The following ZNHIT6 variants were observed in gnomAD, a reference collection of about 807,000 sequenced individuals.
ZNHIT6 encodes the protein box C/D snoRNA protein 1.
ZNHIT6 carries 45 observed loss-of-function variants against 57.2 expected under a neutral mutation model. The ratio of observed to expected loss-of-function variants is 0.79; its 90% CI spans 0.62 to 1.01. The LOEUF (loss-of-function observed/expected upper bound fraction) is 1.01. ZNHIT6 is among the 50% of genes least tolerant of loss of function. ZNHIT6 has a pLI of 0.00. For synonymous variants in ZNHIT6, 188 were observed against 190.0 expected (o/e 0.99, Z 0.09); for missense variants, 528 against 567.3 (o/e 0.93, Z 0.70).
At position 85,708,054 on chromosome 1, in the gene ZNHIT6, T is replaced by C; in HGVS notation, c.231A>G (p.Val77=). The C allele has an allele frequency of 6.2e-7, 1 of 1,614,158 alleles. No homozygotes were observed. The highest frequency in any genetic ancestry group is 8.5e-7 in the Non-Finnish European group (1 of 1,180,032). ...GCCAGTCTATAATTTCCTGCTTCAC[T>C]ACCGTTAGGTCCATCGGTATTTCCT... ...RPEEIPMDLT[V]VKQEIIDWPG... is the part of the protein sequence containing the mutation. Residue 77 remains valine, a synonymous_variant, in exon 1 of 10, where the codon GTA becomes GTG. Coordinates refer to ENST00000370574, the MANE Select transcript of ZNHIT6 (RefSeq NM_017953.4).
rs368291247 is a variant in ZNHIT6, at chr1:85,706,129, C to T, written c.864G>A (p.Ala288=). 7.1e-5 allele frequency: 115 copies of T among 1,613,760 alleles called. No homozygotes were observed. The highest frequency in any genetic ancestry group is 5.5e-4 in the Admixed American group (33 of 59,986). ...AAAAAGCATCTCTAGAAATATGGTC[C>T]GCTGTTCTTGCCACATCTTCCAAAA... ...YRFLEDVART[A]DHISRDAFLK... is the part of the protein sequence containing the mutation. Residue 288 remains alanine, a synonymous_variant, in exon 4 of 10, where the codon GCG becomes GCA. Coordinates refer to ENST00000370574, the MANE Select transcript of ZNHIT6 (RefSeq NM_017953.4).
rs1379855014 is a variant in ZNHIT6, at chr1:85,653,673, G to A, written c.*385C>T. 4 of 157,512 alleles carry A rather than the reference G, an allele frequency of 2.5e-5. No individual in the cohort carries two copies. Among genetic ancestry groups the A allele is most frequent in the African/African-American group, 7.2e-5 (3 of 41,580 alleles). 9.8% of individuals were successfully genotyped at this position (157,512 alleles called of 1,614,324 possible). A position where few individuals can be genotyped will look rare whatever the true frequency, so the allele number is the denominator to read the frequency against. ...AGCCTGTTGGGAGGCTGCAGTGAGA[G>A]GACCATTCGAGCCCAGGAATTTGAG... On this transcript the variant is annotated 3_prime_UTR_variant, in exon 10 of 10. Transcript: ENST00000370574.
rs559873231 is a variant in ZNHIT6, at chr1:85,654,015, C to A, written c.*43G>T. 6.3e-7 allele frequency: 1 copy of A among 1,578,470 alleles called. No individual in the cohort carries two copies. Among genetic ancestry groups the A allele is most frequent in the South Asian group, 1.1e-5 (1 of 88,988 alleles). Reference sequence around the variant, plus strand: ...CAGCCCATCAATGCAGAGTCTGCTGCAGTTGTCTGGAAGTTTTCACTTTCT... The same window carrying A: ...CAGCCCATCAATGCAGAGTCTGCTGAAGTTGTCTGGAAGTTTTCACTTTCT... On this transcript the variant is annotated 3_prime_UTR_variant, in exon 10 of 10. Transcript: ENST00000370574.
chr1:85,651,076 A>G lies in ZNHIT6; in HGVS notation c.*2982T>C, dbSNP rs1198478477. On this transcript the variant is annotated 3_prime_UTR_variant, in exon 10 of 10. Coordinates refer to ENST00000370574, the MANE Select transcript of ZNHIT6 (RefSeq NM_017953.4). ...TAAGGTACAACACAAAGTATATGTC[A>G]ACATAATTAAACAAAAATGTATAAA... 2 of 152,234 alleles carry G rather than the reference A, an allele frequency of 1.3e-5. No homozygotes were observed. The highest frequency in any genetic ancestry group is 4.8e-5 in the African/African-American group (2 of 41,456). The allele number at this position is 152,234 out of a possible 1,614,324, so 9.4% of individuals were successfully genotyped here.
chr1:85,664,711 A>G (rs1441489066), intron 8 of ZNHIT6, among the ~76,000 whole-genome samples: 4 of 152,098 alleles, frequency 2.6e-5, no homozygotes, highest in African/African-American at 9.7e-5. Flanking sequence ...TCTGTACAAC[A>G]AACCCTTGTG....
intron 5 of ZNHIT6, among the ~76,000 whole-genome samples, chr1:85,695,327 G>A (rs1462580759): frequency 2.0e-5 from 3 of 152,058 alleles, no homozygotes; most frequent in Non-Finnish European, 4.4e-5. Context: ...ATATTTTTAT[G>A]AGACTGTCAC....
chr1:85,690,612 G>T (rs1662188853), intron 5 of ZNHIT6, among the ~76,000 whole-genome samples: 1 of 152,124 alleles, frequency 6.6e-6, no homozygotes. Flanking sequence ...TTAAGAGTTT[G>T]CAGTCTTGTC....
At chr1:85,675,651 G>T (rs1661678706) in intron 8 of ZNHIT6, among the ~76,000 whole-genome samples, 1 of 152,132 alleles carries the variant, frequency 6.6e-6, no homozygotes, top group African/African-American at 2.4e-5. Context: ...TTTATGGCAG[G>T]CATTTACTTC....
chr1:85,707,983 A>T lies in ZNHIT6; in HGVS notation c.302T>A (p.Val101Glu). The T allele has an allele frequency of 1.2e-6, 2 of 1,612,750 alleles. No homozygotes were observed. The highest frequency in any genetic ancestry group is 2.7e-5 in the African/African-American group (2 of 74,492). ...RLAGQWVEQE[V>E]EDRPEVKDEN... ...ATCCTTCACCTCAGGCCTATCCTCC[A>T]CCTCCTGTTCTACCCACTGGCCAGC... Residue 101 changes from valine (V) to glutamate (E), a missense_variant, in exon 1 of 10, where the codon GTG becomes GAG. Val to Glu is a moderately radical substitution (Grantham distance 121, BLOSUM62 -2). Coordinates refer to ENST00000370574, the MANE Select transcript of ZNHIT6 (RefSeq NM_017953.4).
In ZNHIT6 at chr1:85,708,163, T is replaced by A; in HGVS notation, c.122A>T (p.Glu41Val). 1 of 1,614,144 alleles carries A rather than the reference T, an allele frequency of 6.2e-7. No individual in the cohort carries two copies. The highest frequency in any genetic ancestry group is 8.5e-7 in the Non-Finnish European group (1 of 1,180,028). The change falls in exon 1 of 10, where the codon GAG (glutamate) becomes GTG (valine). Residue 41 changes from glutamate (E) to valine (V), a missense_variant. Coordinates refer to ENST00000370574, the MANE Select transcript of ZNHIT6 (RefSeq NM_017953.4). ...TGTCCCCTCCTCTCCGCCGCCGAAC[T>A]CCTCCGCCCCTGCTAAGTCCCTTAC... Reference protein sequence around the residue: ...EGVRDLAGAEEFGGGEEGTGL... With the variant: ...EGVRDLAGAEVFGGGEEGTGL...
At chr1:85,694,867 T>C (rs1662321756) in intron 5 of ZNHIT6, among the ~76,000 whole-genome samples, 1 of 152,174 alleles carries the variant, frequency 6.6e-6, no homozygotes, top group African/African-American at 2.4e-5. Flanking sequence ...TGGTAGGTAT[T>C]CCCATAGGGG....
At chr1:85,686,689 A>G (rs955998633) in intron 5 of ZNHIT6, among the ~76,000 whole-genome samples, 3 of 152,194 alleles carry the variant, frequency 2.0e-5, no homozygotes, top group African/African-American at 4.8e-5. Context: ...CAGCAAGTCA[A>G]TCACCAATGT....
At chr1:85,683,699 TA>T (rs1014653107) in intron 5 of ZNHIT6, among the ~76,000 whole-genome samples, 13 of 152,182 alleles carry the variant, frequency 8.5e-5, no homozygotes, top group African/African-American at 3.1e-4. Context: ...ATGTCCCACT[TA>T]AAAAAATATA....
rs371192859 is a variant in ZNHIT6 at position 85,687,281 on chromosome 1, C to CAAAAAAAAAAAAAAAAAAAAAAAAAA, written c.1020-6378_1020-6377insTTTTTTTTTTTTTTTTTTTTTTTTTT. Among the ~76,000 whole-genome samples the CAAAAAAAAAAAAAAAAAAAAAAAAAA allele has an allele frequency of 1.8e-4, 6 of 33,602 alleles. 2 individuals are homozygous for CAAAAAAAAAAAAAAAAAAAAAAAAAA. The highest frequency in any genetic ancestry group is 1.7e-4 in the Non-Finnish European group (3 of 17,658). The allele number at this position is 33,602 out of a possible 152,430, so 22.0% of individuals were successfully genotyped here. A position where few individuals can be genotyped will look rare whatever the true frequency, so the allele number is the denominator to read the frequency against. On this transcript the variant is annotated intron_variant, in intron 5 of 9. Coordinates refer to ENST00000370574, the MANE Select transcript of ZNHIT6 (RefSeq NM_017953.4). Reference sequence around the variant, plus strand: ...GGTGACAAGAGTGAGAAGACTATCTCAAAAAACAAAAAAAAAACAAAAAAA... The same window carrying CAAAAAAAAAAAAAAAAAAAAAAAAAA: ...GGTGACAAGAGTGAGAAGACTATCTCAAAAAAAAAAAAAAAAAAAAAAAAAAAAAAAACAAAAAAAAAACAAAAAAA...
chr1:85,680,452 C>A (rs1346767494), intron 6 of ZNHIT6, among the ~76,000 whole-genome samples: 1 of 152,156 alleles, frequency 6.6e-6, no homozygotes. Flanking sequence ...TAATTCTCCT[C>A]GGATCCCTCT....
intron 8 of ZNHIT6, among the ~76,000 whole-genome samples, chr1:85,666,158 A>G (rs1255468386): frequency 6.6e-6 from 1 of 152,224 alleles, no homozygotes; most frequent in East Asian, 1.9e-4. Context: ...CAGACTTTCC[A>G]GGAAGAAAGT....
intron 5 of ZNHIT6, among the ~76,000 whole-genome samples, chr1:85,697,872 C>T (rs1291525048): frequency 6.6e-6 from 1 of 152,144 alleles, no homozygotes; most frequent in Admixed American, 6.5e-5. Context: ...GGAGAATTTA[C>T]ATTTTCTTCA....
rs1368878284 is a variant in ZNHIT6 at position 85,652,394 on chromosome 1, G to A, written c.*1664C>T. The stretch of plus-strand genomic sequence containing the variant: ...TCTTATTTGTCTCTCCAATAATACT[G>A]TGAACAACGTAATTCTACACAAATT... On this transcript the variant is annotated 3_prime_UTR_variant, in exon 10 of 10. Transcript: ENST00000370574. The A allele has an allele frequency of 2.0e-5, 3 of 152,066 alleles. No homozygotes were observed. In the East Asian group the frequency reaches 5.8e-4, roughly 29 times the overall value. 9.4% of individuals were successfully genotyped at this position (152,066 alleles called of 1,614,324 possible). A position where few individuals can be genotyped will look rare whatever the true frequency, so the allele number is the denominator to read the frequency against.
chr1:85,682,694 C>G lies in ZNHIT6; in HGVS notation c.1020-1790G>C, dbSNP rs1280898272. 3.3e-5 allele frequency among the ~76,000 whole-genome samples: 5 copies of G among 152,128 alleles called. No individual in the cohort carries two copies. The East Asian group carries it at 7.7e-4, about 23-fold the overall frequency. On this transcript the variant is annotated intron_variant, in intron 5 of 9. Coordinates refer to ENST00000370574, the MANE Select transcript of ZNHIT6 (RefSeq NM_017953.4). ...CACATGAACAAATCTGAAAAGTACA[C>G]TAACTTTTAAAATGTGATCTTCCAA...
Sources: gnomAD v4.1 joint callset for allele counts (sites outside exome capture counted in the v4.1 genomes callset) on GRCh38, gnomAD v4.1.1 for gene constraint, MANE v1.5 for transcripts, NCBI Gene and HGNC (gene_info 2026-07-23, HGNC 2026-07-21) for gene names.